The following NKAIN3 variants were observed in gnomAD, a reference collection of about 807,000 sequenced individuals.
NKAIN3 encodes sodium/potassium transporting ATPase interacting 3, also known as sodium/potassium-transporting ATPase subunit beta-1-interacting protein 3.
Under a neutral mutation model 30.2 loss-of-function variants are expected in NKAIN3, and 25 were observed. The observed-to-expected ratio is 0.83, with a 90% CI of 0.60 to 1.16. The LOEUF (loss-of-function observed/expected upper bound fraction) is 1.16. Ranked by LOEUF, NKAIN3 falls within the 50% of genes most tolerant of loss-of-function variation. The probability of loss-of-function intolerance (pLI) is 0.00; values close to 1 mark genes in which losing one functional copy is unlikely to be tolerated. For missense variants in NKAIN3, 225 were observed against 254.1 expected, an observed-to-expected ratio of 0.89 and a Z score of 0.78; for synonymous variants, 91 against 89.6, an observed-to-expected ratio of 1.02 and a Z score of -0.09.
rs146242935 is a variant in NKAIN3 at position 62,971,643 on chromosome 8, CG to C, written c.*6244del. Among the ~76,000 whole-genome samples the C allele has an allele frequency of 2.0e-5, 3 of 150,482 alleles. No individual in the cohort carries two copies. Among genetic ancestry groups the C allele is most frequent in the Non-Finnish European group, 3.0e-5 (2 of 67,682 alleles). ...GCCAAACCTTGTCTCAAAAAAAAAGCGGGGGGGGCTTCATTTATTAGTAAGA... is the reference window on the plus strand; with the variant it reads ...GCCAAACCTTGTCTCAAAAAAAAAGCGGGGGGGCTTCATTTATTAGTAAGA... On this transcript the variant is annotated 3_prime_UTR_variant, in exon 7 of 7. Transcript: ENST00000623646.
chr8:62,300,526 A>G (rs929150805), intron 1 of NKAIN3, among the ~76,000 whole-genome samples: 2 of 152,144 alleles, frequency 1.3e-5, no homozygotes, highest in Non-Finnish European at 2.9e-5. Context: ...CCTTTAAAAT[A>G]TATTTTTCTA....
At chr8:62,810,289 T>C (rs1818446219) in intron 4 of NKAIN3, among the ~76,000 whole-genome samples, 2 of 152,152 alleles carry the variant, frequency 1.3e-5, no homozygotes, top group South Asian at 4.1e-4. Flanking sequence ...ATTCCACTTC[T>C]TTTATGATTT....
At chr8:62,844,323 A>G (rs1008958152) in intron 4 of NKAIN3, among the ~76,000 whole-genome samples, 3 of 152,186 alleles carry the variant, frequency 2.0e-5, no homozygotes, top group Admixed American at 6.6e-5. Flanking sequence ...ATAAAAAGTG[A>G]AAGTATCCAC....
intron 3 of NKAIN3, among the ~76,000 whole-genome samples, chr8:62,593,007 T>G (rs1160596419): frequency 6.6e-6 from 1 of 151,964 alleles, no homozygotes; most frequent in East Asian, 1.9e-4. Context: ...GGGGGAGAGT[T>G]TAATACTCCT....
intron 1 of NKAIN3, among the ~76,000 whole-genome samples, chr8:62,502,566 A>G (rs371761584): frequency 7.5e-6 from 1 of 133,794 alleles, no homozygotes; most frequent in Non-Finnish European, 1.7e-5. Context: ...TCTTCTTCTC[A>G]GTATCTACTT....
At chr8:62,836,676 T>C (rs1442054347) in intron 4 of NKAIN3, among the ~76,000 whole-genome samples, 1 of 152,028 alleles carries the variant, frequency 6.6e-6, no homozygotes, top group Admixed American at 6.6e-5. Flanking sequence ...CCAGCATGAG[T>C]CAGCCTGGCT....
intron 4 of NKAIN3, among the ~76,000 whole-genome samples, chr8:62,806,489 T>C (rs1818286840): frequency 6.6e-6 from 1 of 152,112 alleles, no homozygotes; most frequent in Non-Finnish European, 1.5e-5. Flanking sequence ...AAATGATGAG[T>C]TCATGTCCTT....
chr8:62,597,158 G>A (rs569132283), intron 3 of NKAIN3, among the ~76,000 whole-genome samples: 10 of 152,110 alleles, frequency 6.6e-5, no homozygotes, highest in South Asian at 4.1e-4. Flanking sequence ...CTGGTCCCTC[G>A]GACCTGTGAA....
chr8:62,904,957 G>A (rs1002620333), intron 4 of NKAIN3, among the ~76,000 whole-genome samples: 1 of 152,064 alleles, frequency 6.6e-6, no homozygotes, highest in African/African-American at 2.4e-5. Context: ...GACTCTCAGA[G>A]GACACGATCT....
chr8:62,814,769 A>G (rs911455378), intron 4 of NKAIN3, among the ~76,000 whole-genome samples: 6 of 152,094 alleles, frequency 3.9e-5, no homozygotes, highest in Non-Finnish European at 5.9e-5. Flanking sequence ...AATGCCCACA[A>G]GAGAAAGCGG....
At chr8:62,572,147 C>A (rs1314231069) in intron 1 of NKAIN3, among the ~76,000 whole-genome samples, 1 of 152,298 alleles carries the variant, frequency 6.6e-6, no homozygotes, top group East Asian at 1.9e-4. Context: ...CCTTTAACAG[C>A]ACCCAAGTCA....
intron 4 of NKAIN3, among the ~76,000 whole-genome samples, chr8:62,775,535 C>T (rs576392708): frequency 7.9e-5 from 12 of 152,080 alleles, no homozygotes; most frequent in African/African-American, 2.9e-4. Context: ...TTCATGTAGG[C>T]ACTTACATTA....
At chr8:62,793,731 T>C (rs1275503955) in intron 4 of NKAIN3, among the ~76,000 whole-genome samples, 1 of 152,140 alleles carries the variant, frequency 6.6e-6, no homozygotes, top group Non-Finnish European at 1.5e-5. Flanking sequence ...AGCCTCTGAG[T>C]TGATTCTCGA....
intron 1 of NKAIN3, among the ~76,000 whole-genome samples, chr8:62,260,251 G>C (rs1305764568): frequency 1.3e-5 from 2 of 152,082 alleles, no homozygotes; most frequent in Non-Finnish European, 2.9e-5. Context: ...ATAGGCTACA[G>C]ATGTTGATTG....
At chr8:62,452,861 C>T (rs1418405951) in intron 1 of NKAIN3, among the ~76,000 whole-genome samples, 1 of 152,020 alleles carries the variant, frequency 6.6e-6, no homozygotes, top group African/African-American at 2.4e-5. Flanking sequence ...AGTAAAAAAT[C>T]TATATTTCTG....
chr8:62,733,306 C>A (rs1025120749), intron 3 of NKAIN3, among the ~76,000 whole-genome samples: 7 of 152,166 alleles, frequency 4.6e-5, no homozygotes, highest in Non-Finnish European at 1.0e-4. Flanking sequence ...ATTTGCCTAT[C>A]TTCTAGGACC....
chr8:62,329,456 C>T (rs1283056207), intron 1 of NKAIN3, among the ~76,000 whole-genome samples: 2 of 152,120 alleles, frequency 1.3e-5, no homozygotes, highest in African/African-American at 2.4e-5. Context: ...CCGGAAGAAT[C>T]GTACCCAACA....
At chr8:62,555,041 C>T (rs1809343263) in intron 1 of NKAIN3, among the ~76,000 whole-genome samples, 1 of 131,776 alleles carries the variant, frequency 7.6e-6, no homozygotes, top group South Asian at 2.2e-4. Context: ...CACACACACA[C>T]ACACACACAC....
intron 1 of NKAIN3, among the ~76,000 whole-genome samples, chr8:62,350,345 C>A (rs1182123064): frequency 5.3e-5 from 8 of 152,056 alleles, no homozygotes; most frequent in Non-Finnish European, 7.4e-5. Flanking sequence ...AAACATTATA[C>A]TAAATGAAAT....
Sources: gnomAD v4.1 joint callset for allele counts (sites outside exome capture counted in the v4.1 genomes callset) on GRCh38, gnomAD v4.1.1 for gene constraint, MANE v1.5 for transcripts, NCBI Gene and HGNC (gene_info 2026-07-23, HGNC 2026-07-21) for gene names.